The following TMEFF2 variants were observed in gnomAD, a reference collection of about 807,000 sequenced individuals.
TMEFF2 encodes the protein tomoregulin-2.
Under a neutral mutation model 53.8 loss-of-function variants are expected in TMEFF2, and 28 were observed. That is an observed-to-expected ratio of 0.52 (90% CI 0.39 to 0.71). The LOEUF is 0.71. TMEFF2 is among the 30% of genes least tolerant of loss of function. The pLI, the probability that TMEFF2 is intolerant of heterozygous loss-of-function variation, is 0.00. For missense variants in TMEFF2, 353 were observed against 455.2 expected (o/e 0.78, Z 2.04); for synonymous variants, 162 against 166.3 (o/e 0.97, Z 0.20).
chr2:192,078,368 C>T (rs1389594647), intron 4 of TMEFF2, among the ~76,000 whole-genome samples: 2 of 152,156 alleles, frequency 1.3e-5, no homozygotes, highest in African/African-American at 4.8e-5. Context: ...CTTTATCTCT[C>T]TGGATTGGAA....
intron 5 of TMEFF2, among the ~76,000 whole-genome samples, chr2:192,056,387 A>G (rs894412405): frequency 6.6e-6 from 1 of 151,874 alleles, no homozygotes; most frequent in Admixed American, 6.6e-5. Context: ...GAAGAAGAGG[A>G]AGTGGAAGAG....
chr2:191,964,372 CT>C (rs1397005815), intron 7 of TMEFF2, among the ~76,000 whole-genome samples: 1 of 77,606 alleles, frequency 1.3e-5, no homozygotes, highest in African/African-American at 5.4e-5. Flanking sequence ...TTCTTTCTTT[CT>C]CTTTCTTTCT....
intron 4 of TMEFF2, among the ~76,000 whole-genome samples, chr2:192,077,113 T>C (rs1340159311): frequency 6.6e-6 from 1 of 152,122 alleles, no homozygotes; most frequent in Non-Finnish European, 1.5e-5. Context: ...GTAAGGCAGC[T>C]AGATGGCAGA....
intron 4 of TMEFF2, among the ~76,000 whole-genome samples, chr2:192,071,000 A>G (rs1409456048): frequency 6.6e-6 from 1 of 150,694 alleles, no homozygotes; most frequent in African/African-American, 2.4e-5. Context: ...ATAGCATGTA[A>G]TTGCAAGTTG....
chr2:192,111,228 C>G (rs969895753), intron 4 of TMEFF2, among the ~76,000 whole-genome samples: 2 of 152,010 alleles, frequency 1.3e-5, no homozygotes, highest in South Asian at 4.1e-4. Flanking sequence ...GAAGAAGATA[C>G]AAAAATGTGG....
At chr2:191,964,005 A>G (rs917258835) in intron 7 of TMEFF2, among the ~76,000 whole-genome samples, 5 of 152,230 alleles carry the variant, frequency 3.3e-5, no homozygotes, top group Non-Finnish European at 7.3e-5. Flanking sequence ...AATTTACACA[A>G]CTTGTAAACA....
intron 7 of TMEFF2, among the ~76,000 whole-genome samples, chr2:191,992,287 C>T (rs1293535010): frequency 6.6e-6 from 1 of 152,044 alleles, no homozygotes; most frequent in Non-Finnish European, 1.5e-5. Flanking sequence ...TGGTGAAGTG[C>T]TCCTTGTGTT....
chr2:192,117,443 T>C (rs1344144442), intron 4 of TMEFF2, among the ~76,000 whole-genome samples: 1 of 152,136 alleles, frequency 6.6e-6, no homozygotes, highest in Non-Finnish European at 1.5e-5. Flanking sequence ...ATTTATTTAA[T>C]GGGATCCAAA....
At chr2:191,988,651 CTAT>C (rs1686033719) in intron 7 of TMEFF2, among the ~76,000 whole-genome samples, 1 of 142,390 alleles carries the variant, frequency 7.0e-6, no homozygotes, top group Non-Finnish European at 1.6e-5. Flanking sequence ...TACTTAAAAA[CTAT>C]TTTTTTTTTT....
At chr2:191,967,473 A>C (rs1692503050) in intron 7 of TMEFF2, among the ~76,000 whole-genome samples, 1 of 152,158 alleles carries the variant, frequency 6.6e-6, no homozygotes, top group Non-Finnish European at 1.5e-5. Flanking sequence ...GTTCTAGTGC[A>C]GATTGACCTC....
At chr2:191,990,867 C>T (rs1237471534) in intron 7 of TMEFF2, among the ~76,000 whole-genome samples, 1 of 151,678 alleles carries the variant, frequency 6.6e-6, no homozygotes, top group African/African-American at 2.4e-5. Context: ...TTTCCATATA[C>T]TACATTCCTT....
intron 7 of TMEFF2, among the ~76,000 whole-genome samples, chr2:191,997,012 A>G (rs1443638231): frequency 6.6e-6 from 1 of 152,016 alleles, no homozygotes; most frequent in Non-Finnish European, 1.5e-5. Context: ...TGTCTCTTAA[A>G]TATTTTATAA....
chr2:192,019,888 G>A (rs1176821309), intron 5 of TMEFF2, among the ~76,000 whole-genome samples: 1 of 152,020 alleles, frequency 6.6e-6, no homozygotes, highest in Non-Finnish European at 1.5e-5. Flanking sequence ...GTTTCATAAT[G>A]TGAAAATTTT....
intron 4 of TMEFF2, among the ~76,000 whole-genome samples, chr2:192,170,388 C>A (rs1255003864): frequency 6.6e-6 from 1 of 152,040 alleles, no homozygotes; most frequent in East Asian, 1.9e-4. Flanking sequence ...GCAAACTTCT[C>A]AATGTTGCCA....
chr2:192,082,876 A>G (rs770222839), intron 4 of TMEFF2, among the ~76,000 whole-genome samples: 3 of 152,192 alleles, frequency 2.0e-5, no homozygotes, highest in Non-Finnish European at 2.9e-5. Flanking sequence ...AAAGATGTCA[A>G]AGTGCTAAAT....
intron 4 of TMEFF2, among the ~76,000 whole-genome samples, chr2:192,155,250 A>G (rs1490587710): frequency 2.0e-5 from 3 of 151,956 alleles, no homozygotes; most frequent in Non-Finnish European, 4.4e-5. Context: ...GAAATAATTT[A>G]GTTTTGGGAG....
At chr2:192,139,325 G>A (rs554058610) in intron 4 of TMEFF2, among the ~76,000 whole-genome samples, 6 of 152,308 alleles carry the variant, frequency 3.9e-5, no homozygotes, top group African/African-American at 1.2e-4. Flanking sequence ...GTTAAATGTG[G>A]TAAAATGGTG....
Position 192,184,486 on chromosome 2 carries a change from G to T in TMEFF2, c.283-3C>A. ...ACAGGCACATAGTCATTGTTGCACTGGGAAACACACAGATGTAAGCCTATA... is the reference window on the plus strand; with the variant it reads ...ACAGGCACATAGTCATTGTTGCACTTGGAAACACACAGATGTAAGCCTATA... On this transcript the variant is annotated splice_polypyrimidine_tract_variant and splice_region_variant and intron_variant, in intron 2 of 9. Coordinates refer to ENST00000272771, the MANE Select transcript of TMEFF2 (RefSeq NM_016192.4). 1 of 1,613,016 alleles carries T rather than the reference G, an allele frequency of 6.2e-7. No individual in the cohort carries two copies. The highest frequency in any genetic ancestry group is 8.5e-7 in the Non-Finnish European group (1 of 1,179,348).
At chr2:192,067,317 C>G (rs543997464) in intron 4 of TMEFF2, among the ~76,000 whole-genome samples, 1 of 151,834 alleles carries the variant, frequency 6.6e-6, no homozygotes, top group East Asian at 1.9e-4. Flanking sequence ...AGAGGCAGGA[C>G]CATGTCTTCT....
Sources: gnomAD v4.1 joint callset for allele counts (sites outside exome capture counted in the v4.1 genomes callset) on GRCh38, gnomAD v4.1.1 for gene constraint, MANE v1.5 for transcripts, NCBI Gene and HGNC (gene_info 2026-07-23, HGNC 2026-07-21) for gene names.